TTC32: variants seen among roughly 807,000 people sequenced by gnomAD.
TTC32 encodes the protein tetratricopeptide repeat protein 32.
Under a neutral mutation model 15.3 loss-of-function variants are expected in TTC32, and 16 were observed. The observed-to-expected ratio is 1.05, with a 90% confidence interval of 0.71 to 1.59. The LOEUF (loss-of-function observed/expected upper bound fraction) is 1.59, where lower values mean the gene tolerates loss of function less well. Among genes scored for constraint, TTC32 ranks in the 40% most tolerant of loss-of-function variants. The pLI is 0.00. For synonymous variants in TTC32, 89 were observed against 67.8 expected, an observed-to-expected ratio of 1.31 and a Z score of -1.53; for missense variants, 188 against 181.9, an observed-to-expected ratio of 1.03 and a Z score of -0.19.
At chr2:19,897,208 G>A in intron 2 of TTC32, 82 bp from the exon 3 acceptor site, 2 of 1,407,378 alleles carry the variant, frequency 1.4e-6, no homozygotes, top group African/African-American at 3.0e-5. Context: ...TTTGATACAT[G>A]TACTTTTGCT....
intron 2 of TTC32, 92 bp from the exon 3 acceptor site, chr2:19,897,218 T>C: frequency 5.2e-6 from 7 of 1,346,268 alleles, no homozygotes; most frequent in Non-Finnish European, 7.0e-6. Context: ...GTACTTTTGC[T>C]TTTATATTTA....
chr2:19,901,325 C>T (rs1312776929), intron 1 of TTC32: 8 of 302,786 alleles, frequency 2.6e-5, no homozygotes, highest in Admixed American at 4.8e-5. Context: ...GCGGATTTCC[C>T]GCCAGCTAAA....
At chr2:19,897,447 G>A (rs895550468) in intron 2 of TTC32, among the ~76,000 whole-genome samples, 7 of 152,112 alleles carry the variant, frequency 4.6e-5, no homozygotes, top group African/African-American at 1.7e-4. Context: ...TAAGAAACGG[G>A]AACTAATTTT....
Position 19,901,944 on chromosome 2 carries a change from A to C in TTC32, c.-90T>G. 2 of 1,508,288 alleles carry C rather than the reference A, an allele frequency of 1.3e-6. No homozygotes were observed. Among genetic ancestry groups the C allele is most frequent in the Non-Finnish European group, 9.1e-7 (1 of 1,103,954 alleles). The allele number at this position is 1,508,288 out of a possible 1,614,324, so 93.4% of individuals were successfully genotyped here. The stretch of plus-strand genomic sequence containing the variant: ...CACAAAGCCACTTCCACACCCTGGA[A>C]TCTACCTTGACAGCCAACCTTGGCG... On this transcript the variant is annotated 5_prime_UTR_variant, in exon 1 of 3. Coordinates refer to ENST00000333610, the MANE Select transcript of TTC32 (RefSeq NM_001008237.3).
In TTC32 at chr2:19,901,847, C is replaced by G; in HGVS notation, c.8G>C (p.Gly3Ala). The G allele has an allele frequency of 6.2e-7, 1 of 1,614,076 alleles. No individual in the cohort carries two copies. Among genetic ancestry groups the G allele is most frequent in the Non-Finnish European group, 8.5e-7 (1 of 1,179,970 alleles). The change falls in exon 1 of 3, where the codon GGA (glycine) becomes GCA (alanine). Residue 3 changes from glycine to alanine, a missense_variant. Gly to Ala is a moderately conservative substitution (Grantham distance 60). Transcript: ENST00000333610. ME[G>A]QRQESHATLT... ...GGTTGCGTGGCTTTCTTGCCGCTGTCCTTCCATAGCAGCCAAGGCCTAGTT... is the reference window on the plus strand; with the variant it reads ...GGTTGCGTGGCTTTCTTGCCGCTGTGCTTCCATAGCAGCCAAGGCCTAGTT...
chr2:19,900,462 C>T (rs780709475), intron 1 of TTC32, among the ~76,000 whole-genome samples: 6 of 152,090 alleles, frequency 3.9e-5, no homozygotes, highest in Admixed American at 2.6e-4. Context: ...TTAGTTAAGC[C>T]TCATACAAAA....
In TTC32 at chr2:19,896,795, T is replaced by C; in HGVS notation, c.*192A>G. On this transcript the variant is annotated 3_prime_UTR_variant, in exon 3 of 3. Transcript: ENST00000333610. Reference sequence around the variant, plus strand: ...TAATATAATAATATACACTTATACATTGGTATTATTTACACTTCATTAAAA... The same window carrying C: ...TAATATAATAATATACACTTATACACTGGTATTATTTACACTTCATTAAAA... 1 of 272,286 alleles carries C rather than the reference T, an allele frequency of 3.7e-6. No individual in the cohort carries two copies. The highest frequency in any genetic ancestry group is 6.9e-6 in the Non-Finnish European group (1 of 144,516). The allele number at this position is 272,286 out of a possible 1,614,324, so 16.9% of individuals were successfully genotyped here.
chr2:19,897,893 T>C lies in TTC32; in HGVS notation c.292A>G (p.Arg98Gly), dbSNP rs1558311586. The C allele has an allele frequency of 2.5e-6, 4 of 1,610,306 alleles. No individual in the cohort carries two copies. The highest frequency in any genetic ancestry group is 3.4e-6 in the Non-Finnish European group (4 of 1,177,486). ...QPNFEVPYYN[R>G]GLILYRLGYF... is the part of the protein sequence containing the mutation. ...CCCAGCCTATACAGTATCAACCCTCTGTTGTAATATGGAACTTCAAAATTG... is the reference window on the plus strand; with the variant it reads ...CCCAGCCTATACAGTATCAACCCTCCGTTGTAATATGGAACTTCAAAATTG... Residue 98 changes from arginine (R) to glycine (G), a missense_variant, in exon 2 of 3, where the codon AGA becomes GGA. Coordinates refer to ENST00000333610, the MANE Select transcript of TTC32 (RefSeq NM_001008237.3).
rs905672191 is a variant in TTC32 at position 19,897,919 on chromosome 2, G to T, written c.266C>A (p.Pro89His). Reference sequence around the variant, plus strand: ...GTTGTAATATGGAACTTCAAAATTGGGTTGGACTTCTATGGCAGATGTGTA... The same window carrying T: ...GTTGTAATATGGAACTTCAAAATTGTGTTGGACTTCTATGGCAGATGTGTA... ...DDYTSAIEVQ[P>H]NFEVPYYNRG... is the part of the protein sequence containing the mutation. Residue 89 changes from proline to histidine, a missense_variant, in exon 2 of 3, where the codon CCC (proline) becomes CAC (histidine). Pro to His is a moderately conservative substitution (Grantham distance 77, BLOSUM62 -2). Transcript: ENST00000333610. 9.9e-6 allele frequency: 16 copies of T among 1,611,834 alleles called. No individual in the cohort carries two copies. Among genetic ancestry groups the T allele is most frequent in the Non-Finnish European group, 1.4e-5 (16 of 1,178,506 alleles).
chr2:19,899,846 A>T (rs1285324087), intron 1 of TTC32, among the ~76,000 whole-genome samples: 1 of 152,184 alleles, frequency 6.6e-6, no homozygotes, highest in Non-Finnish European at 1.5e-5. Context: ...AATTGCAAAT[A>T]TTGTTTCAAA....
intron 1 of TTC32, 127 bp downstream of exon 1, chr2:19,901,579 G>A: frequency 7.8e-7 from 1 of 1,286,178 alleles, no homozygotes; most frequent in Non-Finnish European, 1.1e-6. Context: ...ACGTCCGCCC[G>A]CTCAGTCCTA....
intron 1 of TTC32, among the ~76,000 whole-genome samples, chr2:19,899,134 T>G (rs1490966009): frequency 6.6e-6 from 1 of 152,232 alleles, no homozygotes; most frequent in Non-Finnish European, 1.5e-5. Context: ...AAGGGCCTCC[T>G]TCAAACCAAG....
At chr2:19,898,247 A>C in intron 1 of TTC32, 1 of 415,394 alleles carries the variant, frequency 2.4e-6, no homozygotes, top group South Asian at 6.2e-5. Context: ...ATACCACTGC[A>C]ATGTCAACCT....
chr2:19,897,190 G>A, intron 2 of TTC32, 64 bp from the exon 3 acceptor site: 1 of 1,507,474 alleles, frequency 6.6e-7, no homozygotes. Flanking sequence ...TATTATTCAT[G>A]GAAAAGCTTT....
At chr2:19,899,911 G>A (rs1669574021) in intron 1 of TTC32, among the ~76,000 whole-genome samples, 1 of 152,108 alleles carries the variant, frequency 6.6e-6, no homozygotes, top group Non-Finnish European at 1.5e-5. Flanking sequence ...AAGATAAATT[G>A]AAGGGAAAAA....
Position 19,897,130 on chromosome 2 carries a change from T to G in TTC32, c.317-4A>C. The G allele has an allele frequency of 6.3e-7, 1 of 1,577,136 alleles. No individual in the cohort carries two copies. Among genetic ancestry groups the G allele is most frequent in the Non-Finnish European group, 8.5e-7 (1 of 1,169,762 alleles). ...TCCAAAGCATCATCAAAATATCCTG[T>G]ACCAGAACCCAAAAAATGGAAAAGA... On this transcript the variant is annotated splice_polypyrimidine_tract_variant and splice_region_variant and intron_variant, in intron 2 of 2. Transcript: ENST00000333610.
chr2:19,896,859 CTATT>C lies in TTC32; in HGVS notation c.*124_*127del, dbSNP rs1221883202. 2 of 870,316 alleles carry C rather than the reference CTATT, an allele frequency of 2.3e-6. No homozygotes were observed. The highest frequency in any genetic ancestry group is 1.8e-5 in the African/African-American group (1 of 56,346). The allele number at this position is 870,316 out of a possible 1,614,324, so 53.9% of individuals were successfully genotyped here. ...CCTGAAATTAACTACCTTAAACACA[CTATT>C]TAACTTTCAGTGCTAATGTATTAAT... On this transcript the variant is annotated 3_prime_UTR_variant, in exon 3 of 3. Transcript: ENST00000333610.
Position 19,901,815 on chromosome 2 carries a change from G to C in TTC32, c.40C>G (p.Leu14Val), listed in dbSNP as rs1669613032. 3 of 1,614,092 alleles carry C rather than the reference G, an allele frequency of 1.9e-6. No homozygotes were observed. Among genetic ancestry groups the C allele is most frequent in the Non-Finnish European group, 2.5e-6 (3 of 1,180,038 alleles). The stretch of plus-strand genomic sequence containing the variant: ...CCATTGTTGAAATGAGCCTGGGCGA[G>C]TGTTAGGGTTGCGTGGCTTTCTTGC... ...QRQESHATLT[L>V]AQAHFNNGEY... is the part of the protein sequence containing the mutation. Residue 14 changes from leucine (L) to valine (V), a missense_variant, in exon 1 of 3, where the codon CTC (leucine) becomes GTC (valine). Coordinates refer to ENST00000333610, the MANE Select transcript of TTC32 (RefSeq NM_001008237.3).
rs1669614764 is a variant in TTC32 at position 19,901,901 on chromosome 2, A to G, written c.-47T>C. 1 of 1,610,028 alleles carries G rather than the reference A, an allele frequency of 6.2e-7. No individual in the cohort carries two copies. Among genetic ancestry groups the G allele is most frequent in the Non-Finnish European group, 8.5e-7 (1 of 1,177,674 alleles). On this transcript the variant is annotated 5_prime_UTR_variant, in exon 1 of 3. Coordinates refer to ENST00000333610, the MANE Select transcript of TTC32 (RefSeq NM_001008237.3). The stretch of plus-strand genomic sequence containing the variant: ...GGTGTAGAATGGGGGTTGACCTCCG[A>G]GCGGTTAGAGGTGGCACCACAAAGC...
Sources: allele counts gnomAD v4.1 joint callset (sites outside exome capture counted in the v4.1 genomes callset), GRCh38; gene constraint gnomAD v4.1.1; transcripts MANE v1.5; gene names NCBI Gene and HGNC (gene_info 2026-07-23, HGNC 2026-07-21).